The following ENPP3 variants were observed in gnomAD, a reference collection of about 807,000 sequenced individuals.
ENPP3 encodes the protein ectonucleotide pyrophosphatase/phosphodiesterase family member 3.
Under a neutral mutation model 117.8 loss-of-function variants are expected in ENPP3, and 104 were observed. The ratio of observed to expected loss-of-function variants is 0.88; its 90% CI spans 0.75 to 1.04. The LOEUF is 1.04. ENPP3 is among the 50% of genes least tolerant of loss of function. ENPP3 has a pLI of 0.00. For missense variants in ENPP3, 1,026 were observed against 1,051.9 expected (o/e 0.98, Z 0.34); for synonymous variants, 380 against 349.9 (o/e 1.09, Z -0.96).
In ENPP3 at chr6:131,652,856, CTG is replaced by C; in HGVS notation, c.432_433del (p.Cys144Ter). ...GAGAAACCTCATGGCTGGAAGAAAA[CTG>C]TGACACAGCCCAGCAGTCTCAGTGC... Reference protein sequence around the residue: ...QGETSWLEENCDTAQQSQCPE... With the variant: ...QGETSWLEENXDTAQQSQCPE... On this transcript the variant is annotated frameshift_variant, in exon 5 of 25. Transcript: ENST00000357639. LOFTEE classifies it high-confidence loss of function. 6.2e-7 allele frequency: 1 copy of C among 1,613,590 alleles called. No individual in the cohort carries two copies. The highest frequency in any genetic ancestry group is 8.5e-7 in the Non-Finnish European group (1 of 1,179,538).
intron 12 of ENPP3, 134 bp from the exon 13 acceptor site, chr6:131,685,230 G>A (rs1034244385): frequency 5.2e-6 from 4 of 774,716 alleles, no homozygotes; most frequent in African/African-American, 1.7e-5. Context: ...GAGTAATAGG[G>A]TGAATTGCGT....
intron 2 of ENPP3, among the ~76,000 whole-genome samples, chr6:131,648,370 T>C (rs1257280993): frequency 2.0e-5 from 3 of 152,044 alleles, no homozygotes; most frequent in African/African-American, 7.2e-5. Flanking sequence ...TCTGTTTTGA[T>C]AAGCACCTAA....
At chr6:131,685,785 G>A in intron 13 of ENPP3, 91 bp from the exon 14 acceptor site, 1 of 679,784 alleles carries the variant, frequency 1.5e-6, no homozygotes, top group East Asian at 2.8e-5. Context: ...ATTAATAAGT[G>A]AATGTATCAA....
At chr6:131,660,375 T>G in intron 6 of ENPP3, among the ~76,000 whole-genome samples, 1 of 152,202 alleles carries the variant, frequency 6.6e-6, no homozygotes, top group East Asian at 1.9e-4. Flanking sequence ...GTGAGTCATA[T>G]TAGTGACTGT....
chr6:131,671,387 C>A, intron 7 of ENPP3, 60 bp downstream of exon 7: 1 of 986,448 alleles, frequency 1.0e-6, no homozygotes, highest in Non-Finnish European at 1.6e-6. Flanking sequence ...CATAAACAGA[C>A]ATGTTTGGGC....
chr6:131,693,136 C>A (rs1365423582), intron 14 of ENPP3, among the ~76,000 whole-genome samples: 2 of 143,376 alleles, frequency 1.4e-5, no homozygotes, highest in Non-Finnish European at 3.0e-5. Context: ...CACACACACA[C>A]CCCCAGGAAT....
In ENPP3 at chr6:131,671,346, G is replaced by T. The variant is rs1562441234; in HGVS notation, c.642+19G>T. 2 of 1,488,554 alleles carry T rather than the reference G, an allele frequency of 1.3e-6. No homozygotes were observed. Among genetic ancestry groups the T allele is most frequent in the African/African-American group, 2.8e-5 (2 of 72,144 alleles). 92.2% of individuals were successfully genotyped at this position (1,488,554 alleles called of 1,614,324 possible). ...TGTCACGGTAAGTGCTTGACCCAGT[G>T]GTAAGACAGGCCAAAGACCAGAACT... On this transcript the variant is annotated intron_variant, in intron 7 of 24. Transcript: ENST00000357639.
At chr6:131,737,928 A>C in intron 22 of ENPP3, 103 bp from the exon 23 acceptor site, 1 of 804,644 alleles carries the variant, frequency 1.2e-6, no homozygotes, top group South Asian at 2.4e-5. Context: ...GGCAATTATT[A>C]AGGCAGAATT....
chr6:131,742,539 C>A (rs773603875), intron 24 of ENPP3, among the ~76,000 whole-genome samples: 6 of 152,096 alleles, frequency 3.9e-5, no homozygotes, highest in Non-Finnish European at 7.4e-5. Flanking sequence ...ACTTACTCAT[C>A]TTAAAATTTA....
chr6:131,655,841 G>T (rs940686450), intron 5 of ENPP3, among the ~76,000 whole-genome samples: 2 of 152,140 alleles, frequency 1.3e-5, no homozygotes, highest in Non-Finnish European at 2.9e-5. Context: ...GTGAGGAAAG[G>T]GGTGGTGGTG....
At chr6:131,702,216 T>C (rs1442973087) in intron 15 of ENPP3, among the ~76,000 whole-genome samples, 4 of 152,058 alleles carry the variant, frequency 2.6e-5, no homozygotes, top group Admixed American at 6.6e-5. Flanking sequence ...TGTCAAAGTC[T>C]TAAAACCACA....
At chr6:131,644,395 G>A (rs1410536902) in intron 2 of ENPP3, among the ~76,000 whole-genome samples, 2 of 152,172 alleles carry the variant, frequency 1.3e-5, no homozygotes, top group Non-Finnish European at 2.9e-5. Flanking sequence ...CAATAATCTG[G>A]GTAAGCCTTA....
chr6:131,695,096 T>G (rs1407125480), intron 15 of ENPP3, among the ~76,000 whole-genome samples: 1 of 149,630 alleles, frequency 6.7e-6, no homozygotes, highest in East Asian at 2.0e-4. Flanking sequence ...GTGGCTGTAC[T>G]GTGGCTCAGG....
chr6:131,655,192 C>T (rs1778359899), intron 5 of ENPP3, among the ~76,000 whole-genome samples: 1 of 152,132 alleles, frequency 6.6e-6, no homozygotes, highest in Admixed American at 6.6e-5. Flanking sequence ...AAGGTGTGCC[C>T]ATGGCCTCTT....
At chr6:131,725,627 A>G (rs1780139051) in intron 19 of ENPP3, among the ~76,000 whole-genome samples, 3 of 152,166 alleles carry the variant, frequency 2.0e-5, no homozygotes, top group Non-Finnish European at 2.9e-5. Context: ...ATAAAATTCC[A>G]ACATCTTCCC....
chr6:131,729,935 C>T (rs1277359910), intron 20 of ENPP3, among the ~76,000 whole-genome samples: 3 of 151,966 alleles, frequency 2.0e-5, no homozygotes, highest in East Asian at 3.9e-4. Context: ...GTCTAAGCTA[C>T]TTTGAGAACA....
At chr6:131,682,320 C>A (rs772990088) in intron 11 of ENPP3, among the ~76,000 whole-genome samples, 1 of 151,778 alleles carries the variant, frequency 6.6e-6, no homozygotes, top group Non-Finnish European at 1.5e-5. Context: ...TTAATGAGAT[C>A]GAATCTCTAC....
At chr6:131,726,264 G>A in intron 20 of ENPP3, 64 bp downstream of exon 20, 1 of 1,480,516 alleles carries the variant, frequency 6.8e-7, no homozygotes, top group South Asian at 1.2e-5. Context: ...CATATTCTAA[G>A]AGTTGAATTT....
At chr6:131,666,619 T>C (rs1295266159) in intron 6 of ENPP3, among the ~76,000 whole-genome samples, 1 of 152,272 alleles carries the variant, frequency 6.6e-6, no homozygotes, top group Non-Finnish European at 1.5e-5. Context: ...GTTGAAATTC[T>C]CACTTTATTC....
Sources: gnomAD v4.1 joint callset for allele counts (sites outside exome capture counted in the v4.1 genomes callset) on GRCh38, gnomAD v4.1.1 for gene constraint, MANE v1.5 for transcripts, NCBI Gene and HGNC (gene_info 2026-07-23, HGNC 2026-07-21) for gene names.